Variants in VWC2L observed in about 807,000 individuals in gnomAD.
VWC2L encodes von Willebrand factor C domain-containing protein 2-like.
Under a neutral mutation model 21.6 loss-of-function variants are expected in VWC2L, and 10 were observed. That is an observed-to-expected ratio of 0.46 (90% CI 0.29 to 0.78). The LOEUF is 0.78. VWC2L is among the 30% of genes least tolerant of loss of function. The probability of loss-of-function intolerance (pLI) is 0.10; values close to 1 mark genes in which losing one functional copy is unlikely to be tolerated. For missense variants in VWC2L, 209 were observed against 277.1 expected (o/e 0.75, Z 1.74); for synonymous variants, 96 against 94.3 (o/e 1.02, Z -0.10).
chr2:214,558,375 C>A (rs909982563), intron 3 of VWC2L, among the ~76,000 whole-genome samples: 8 of 152,140 alleles, frequency 5.3e-5, no homozygotes, highest in African/African-American at 1.7e-4. Flanking sequence ...CAATTCTATT[C>A]CCCTATTCAT....
chr2:214,417,236 C>A (rs974953835), intron 2 of VWC2L, among the ~76,000 whole-genome samples: 1 of 152,122 alleles, frequency 6.6e-6, no homozygotes, highest in African/African-American at 2.4e-5. Context: ...AAGCATTTAT[C>A]AGACCGTTCA....
At chr2:214,505,056 C>T (rs34912461) in intron 3 of VWC2L, among the ~76,000 whole-genome samples, 13 of 152,054 alleles carry the variant, frequency 8.5e-5, no homozygotes, top group African/African-American at 2.9e-4. Flanking sequence ...TCCATCCCCA[C>T]GGACATGCTC....
intron 3 of VWC2L, among the ~76,000 whole-genome samples, chr2:214,557,698 C>G (rs995963265): frequency 6.6e-6 from 1 of 152,106 alleles, no homozygotes; most frequent in African/African-American, 2.4e-5. Context: ...CCTCCTACTG[C>G]TCAGAGAAAA....
chr2:214,426,960 G>C (rs1702533057), intron 2 of VWC2L, among the ~76,000 whole-genome samples: 1 of 152,104 alleles, frequency 6.6e-6, no homozygotes, highest in Non-Finnish European at 1.5e-5. Context: ...ACTGTCAAAA[G>C]AAGTATGCTT....
intron 3 of VWC2L, among the ~76,000 whole-genome samples, chr2:214,465,363 G>A (rs1228449848): frequency 6.6e-6 from 1 of 152,158 alleles, no homozygotes; most frequent in Non-Finnish European, 1.5e-5. Flanking sequence ...GATTCTGCCA[G>A]GACTGGGTCC....
At chr2:214,415,497 G>C (rs947735000) in intron 2 of VWC2L, among the ~76,000 whole-genome samples, 1 of 152,144 alleles carries the variant, frequency 6.6e-6, no homozygotes. Context: ...CAGAACCTTA[G>C]AGGTAAAAGC....
At chr2:214,466,941 G>T (rs1161107407) in intron 3 of VWC2L, among the ~76,000 whole-genome samples, 3 of 152,032 alleles carry the variant, frequency 2.0e-5, no homozygotes, top group African/African-American at 7.3e-5. Context: ...ATGCTTCATT[G>T]CATGACTAGT....
chr2:214,564,419 T>C (rs1188127116), intron 3 of VWC2L, among the ~76,000 whole-genome samples: 1 of 151,910 alleles, frequency 6.6e-6, no homozygotes, highest in Non-Finnish European at 1.5e-5. Context: ...CTTCAAACTA[T>C]ACTACAAGGC....
chr2:214,533,762 T>G (rs13422932), intron 3 of VWC2L, among the ~76,000 whole-genome samples: 8,290 of 152,140 alleles, frequency 0.054, 493 homozygotes, highest in African/African-American at 0.15. Flanking sequence ...AAGAAAAGGT[T>G]TTAGGAAATG....
At chr2:214,455,532 G>A (rs1389607364) in intron 3 of VWC2L, among the ~76,000 whole-genome samples, 1 of 152,094 alleles carries the variant, frequency 6.6e-6, no homozygotes, top group South Asian at 2.1e-4. Context: ...ATTTATCATT[G>A]CTATGTGTTG....
At chr2:214,412,567 A>G (rs72939551) in intron 1 of VWC2L, among the ~76,000 whole-genome samples, 38 of 152,180 alleles carry the variant, frequency 2.5e-4, no homozygotes, top group Non-Finnish European at 5.0e-4. Flanking sequence ...GACATATTTT[A>G]TAAGAAATCA....
At chr2:214,559,704 A>G (rs1372202595) in intron 3 of VWC2L, among the ~76,000 whole-genome samples, 1 of 151,412 alleles carries the variant, frequency 6.6e-6, no homozygotes, top group Admixed American at 6.6e-5. Flanking sequence ...TGAACCCTTG[A>G]GCTTAAGCGA....
At chr2:214,487,015 C>T (rs1688681360) in intron 3 of VWC2L, among the ~76,000 whole-genome samples, 1 of 152,142 alleles carries the variant, frequency 6.6e-6, no homozygotes, top group Admixed American at 6.5e-5. Context: ...CATGGACCCT[C>T]AACTAATAGG....
intron 3 of VWC2L, among the ~76,000 whole-genome samples, chr2:214,482,639 TAATA>T (rs1054395025): frequency 4.7e-5 from 7 of 149,110 alleles, no homozygotes; most frequent in Non-Finnish European, 1.0e-4. Flanking sequence ...TATTAAAAGT[TAATA>T]AATAAATATA....
At chr2:214,443,322 A>G (rs1164193808) in intron 3 of VWC2L, among the ~76,000 whole-genome samples, 2 of 152,128 alleles carry the variant, frequency 1.3e-5, no homozygotes, top group Non-Finnish European at 2.9e-5. Context: ...CAGTGAGCTG[A>G]GATCACGCCC....
intron 3 of VWC2L, among the ~76,000 whole-genome samples, chr2:214,505,064 C>T (rs34756495): frequency 0.25 from 37,242 of 151,992 alleles, 5,020 homozygotes; most frequent in East Asian, 0.47. Context: ...CACGGACATG[C>T]TCTTTGAAAT....
At chr2:214,511,839 T>C (rs924822250) in intron 3 of VWC2L, among the ~76,000 whole-genome samples, 2 of 147,478 alleles carry the variant, frequency 1.4e-5, no homozygotes, top group Admixed American at 6.8e-5. Flanking sequence ...TATATATATA[T>C]ACACTTTATA....
chr2:214,420,084 C>T (rs1249304918), intron 2 of VWC2L, among the ~76,000 whole-genome samples: 1 of 151,912 alleles, frequency 6.6e-6, no homozygotes, highest in Non-Finnish European at 1.5e-5. Flanking sequence ...AAAATTAAGC[C>T]GTGGGATTAT....
At chr2:214,556,353 G>A (rs916138740) in intron 3 of VWC2L, among the ~76,000 whole-genome samples, 1 of 152,162 alleles carries the variant, frequency 6.6e-6, no homozygotes, top group African/African-American at 2.4e-5. Flanking sequence ...TTGCATTATG[G>A]ACTTCAAGGA....
Sources: allele counts gnomAD v4.1 joint callset (sites outside exome capture counted in the v4.1 genomes callset), GRCh38; gene constraint gnomAD v4.1.1; transcripts MANE v1.5; gene names NCBI Gene and HGNC (gene_info 2026-07-23, HGNC 2026-07-21).